NMBR: variants seen among roughly 807,000 people sequenced by gnomAD.
NMBR encodes neuromedin B receptor.
In NMBR, 16 loss-of-function variants were observed where a neutral mutation model predicts 20.5. That is an observed-to-expected ratio of 0.78 (90% confidence interval 0.53 to 1.19). The LOEUF is 1.19. Ranked by LOEUF, NMBR falls within the 50% of genes most tolerant of loss-of-function variation. The pLI is 0.00. For synonymous variants in NMBR, 212 were observed against 196.6 expected (o/e 1.08, Z -0.65); for missense variants, 582 against 499.1 (o/e 1.17, Z -1.58).
intron 1 of NMBR, among the ~76,000 whole-genome samples, chr6:142,112,276 C>T (rs910419604): frequency 6.6e-6 from 1 of 152,198 alleles, no homozygotes; most frequent in African/African-American, 2.4e-5. Flanking sequence ...CCAAGAATCT[C>T]ATTTGCATTC....
intron 1 of NMBR, among the ~76,000 whole-genome samples, chr6:142,111,345 G>T (rs1263827209): frequency 6.6e-6 from 1 of 151,946 alleles, no homozygotes. Context: ...CTAAGAAGAG[G>T]TCATTTATAT....
Position 142,135,551 on chromosome 6 carries a change from T to C in NMBR, c.-664+11493A>G, listed in dbSNP as rs560140856. ...GGGTACATGTGCACAATGTGCAGGT[T>C]AGTTACATATGTATACATGTGCCAT... On this transcript the variant is annotated intron_variant, in intron 1 of 3. Transcript: ENST00000258042. 3.3e-5 allele frequency among the ~76,000 whole-genome samples: 5 copies of C among 151,392 alleles called. No individual in the cohort carries two copies. In the South Asian group the frequency reaches 1.0e-3, roughly 31 times the overall value.
intron 1 of NMBR, among the ~76,000 whole-genome samples, chr6:142,126,387 C>G (rs1778038789): frequency 1.3e-5 from 2 of 151,680 alleles, no homozygotes; most frequent in Admixed American, 1.3e-4. Flanking sequence ...GCAGATAGCT[C>G]TATGAGATAA....
chr6:142,077,325 G>A (rs934879136), intron 3 of NMBR, among the ~76,000 whole-genome samples: 4 of 152,150 alleles, frequency 2.6e-5, no homozygotes, highest in African/African-American at 9.7e-5. Flanking sequence ...AATTTAAAAA[G>A]TGAAGCAAGG....
rs1776892525 is a variant in NMBR at position 142,074,619 on chromosome 6, G to A, written c.*1029C>T. Among the ~76,000 whole-genome samples, 1 of 152,074 alleles carries A rather than the reference G, an allele frequency of 6.6e-6. No homozygotes were observed. The highest frequency in any genetic ancestry group is 1.5e-5 in the Non-Finnish European group (1 of 67,972). ...ACTGTGGTATCATGCAGGAAAAGCA[G>A]AAAAAAATTGCCTAAGTGTGATCCC... On this transcript the variant is annotated 3_prime_UTR_variant, in exon 4 of 4. Transcript: ENST00000258042.
rs537644938 is a variant in NMBR, at chr6:142,146,245, T to TG, written c.-664+798dup. ...TATGAGGACATGGAGCGGTTTCTTC[T>TG]GGGGGTGAGAGAGTGATCAGAAAAT... On this transcript the variant is annotated intron_variant, in intron 1 of 3. Coordinates refer to ENST00000258042, the MANE Select transcript of NMBR (RefSeq NM_002511.4). Among the ~76,000 whole-genome samples, 8 of 152,298 alleles carry TG rather than the reference T, an allele frequency of 5.3e-5. No homozygotes were observed. In the South Asian group the frequency reaches 1.4e-3, roughly 28 times the overall value.
chr6:142,103,908 G>A (rs1292870478), intron 1 of NMBR, among the ~76,000 whole-genome samples: 1 of 152,134 alleles, frequency 6.6e-6, no homozygotes, highest in Non-Finnish European at 1.5e-5. Flanking sequence ...TAAGCCTAAA[G>A]TTATCAGAAA....
chr6:142,137,805 T>C (rs897989433), intron 1 of NMBR, among the ~76,000 whole-genome samples: 1 of 152,180 alleles, frequency 6.6e-6, no homozygotes, highest in African/African-American at 2.4e-5. Flanking sequence ...ATTTATTGAT[T>C]TGCGCATATT....
chr6:142,079,063 A>G (rs1431079847), intron 2 of NMBR, among the ~76,000 whole-genome samples, 160 bp from the exon 3 acceptor site: 1 of 144,490 alleles, frequency 6.9e-6, no homozygotes, highest in Non-Finnish European at 1.5e-5. Flanking sequence ...AGAGAAAGAG[A>G]GAGAGAAAGA....
chr6:142,079,092 GAA>G (rs1352877209), intron 2 of NMBR, among the ~76,000 whole-genome samples, 189 bp from the exon 3 acceptor site: 2 of 83,804 alleles, frequency 2.4e-5, no homozygotes, highest in Non-Finnish European at 4.1e-5. Context: ...AAGAAAGAGA[GAA>G]AGAGAGAGAG....
chr6:142,092,910 A>T (rs1006779245), intron 1 of NMBR, among the ~76,000 whole-genome samples: 3 of 152,164 alleles, frequency 2.0e-5, no homozygotes, highest in African/African-American at 7.2e-5. Flanking sequence ...ACACTTACCC[A>T]AAAAGGGTAA....
rs534329981 is a variant in NMBR at position 142,133,247 on chromosome 6, T to C, written c.-664+13797A>G. On this transcript the variant is annotated intron_variant, in intron 1 of 3. Transcript: ENST00000258042. ...CAATTGTATGAGTCTTTTCTGAGTATTTTACCCTGAATTGCATAAGTCTTG... is the reference window on the plus strand; with the variant it reads ...CAATTGTATGAGTCTTTTCTGAGTACTTTACCCTGAATTGCATAAGTCTTG... The C allele has an allele frequency of 3.5e-4, 210 of 606,012 alleles. No individual in the cohort carries two copies. In the African/African-American group the frequency reaches 3.7e-3, roughly 11 times the overall value. 37.5% of individuals were successfully genotyped at this position (606,012 alleles called of 1,614,324 possible).
chr6:142,082,717 G>T (rs1777123436), intron 2 of NMBR, among the ~76,000 whole-genome samples: 1 of 152,204 alleles, frequency 6.6e-6, no homozygotes, highest in Non-Finnish European at 1.5e-5. Flanking sequence ...TTCAGCAACA[G>T]AATGGATAGT....
At chr6:142,108,070 A>G (rs1036691689) in intron 1 of NMBR, among the ~76,000 whole-genome samples, 9 of 152,128 alleles carry the variant, frequency 5.9e-5, no homozygotes, top group Non-Finnish European at 1.5e-5. Flanking sequence ...AAATAAACAG[A>G]GCCTCATAGA....
Position 142,088,598 on chromosome 6 carries a change from C to A in NMBR, c.61G>T (p.Val21Phe). ...VTTGANESGS[V>F]PEGWERDFLP... ...AAATCCCTTTCCCACCCCTCGGGAA[C>A]GGAACCGCTCTCATTCGCGCCGGTG... Residue 21 changes from valine to phenylalanine, a missense_variant, in exon 2 of 4, where the codon GTT (valine) becomes TTT (phenylalanine). Val to Phe is a conservative substitution (Grantham distance 50). Coordinates refer to ENST00000258042, the MANE Select transcript of NMBR (RefSeq NM_002511.4). 1 of 1,612,148 alleles carries A rather than the reference C, an allele frequency of 6.2e-7. No individual in the cohort carries two copies. Among genetic ancestry groups the A allele is most frequent in the Non-Finnish European group, 8.5e-7 (1 of 1,179,990 alleles).
intron 1 of NMBR, among the ~76,000 whole-genome samples, chr6:142,095,715 TC>T (rs1201984419): frequency 2.0e-5 from 3 of 152,222 alleles, no homozygotes; most frequent in Non-Finnish European, 4.4e-5. Context: ...TGGAATAGTT[TC>T]AGAAGGGATG....
intron 1 of NMBR, among the ~76,000 whole-genome samples, chr6:142,117,588 C>T (rs1021675547): frequency 2.6e-5 from 4 of 151,904 alleles, no homozygotes; most frequent in South Asian, 2.1e-4. Flanking sequence ...GAATAAGGAA[C>T]GGAAATTCTA....
At chr6:142,133,369 G>T (rs575260106) in intron 1 of NMBR, among the ~76,000 whole-genome samples, 8 of 152,206 alleles carry the variant, frequency 5.3e-5, no homozygotes, top group African/African-American at 1.4e-4. Flanking sequence ...AAAAATTCAG[G>T]AAGTGTCTTT....
intron 1 of NMBR, among the ~76,000 whole-genome samples, chr6:142,126,016 G>A (rs1441820393): frequency 6.6e-6 from 1 of 151,716 alleles, no homozygotes; most frequent in Non-Finnish European, 1.5e-5. Flanking sequence ...TTGCATAACT[G>A]AAACTTTCTA....
Sources: allele counts gnomAD v4.1 joint callset (sites outside exome capture counted in the v4.1 genomes callset), GRCh38; gene constraint gnomAD v4.1.1; transcripts MANE v1.5; gene names NCBI Gene and HGNC (gene_info 2026-07-23, HGNC 2026-07-21).